RGS7: variants seen among roughly 807,000 people sequenced by gnomAD.
RGS7 encodes regulator of G protein signaling 7, also known as regulator of G-protein signaling 7.
RGS7 carries 27 observed loss-of-function variants against 81.1 expected under a neutral mutation model. The observed-to-expected ratio is 0.33, with a 90% CI of 0.25 to 0.46. The LOEUF (loss-of-function observed/expected upper bound fraction) is 0.46. Ranked by LOEUF, RGS7 falls within the 20% of genes least tolerant of loss-of-function variation. The pLI, the probability that RGS7 is intolerant of heterozygous loss-of-function variation, is 1.00. For missense variants in RGS7, 396 were observed against 607.4 expected, an observed-to-expected ratio of 0.65 and a Z score of 3.66; for synonymous variants, 208 against 207.7, an observed-to-expected ratio of 1.00 and a Z score of -0.01.
chr1:240,825,392 C>T (rs915910717), intron 10 of RGS7, among the ~76,000 whole-genome samples: 10 of 152,214 alleles, frequency 6.6e-5, no homozygotes, highest in African/African-American at 7.2e-5. Context: ...TTATCATCTG[C>T]GAAGATTCTA....
chr1:240,889,386 G>C (rs1010964338), intron 6 of RGS7, among the ~76,000 whole-genome samples: 5 of 152,184 alleles, frequency 3.3e-5, no homozygotes, highest in Non-Finnish European at 7.3e-5. Flanking sequence ...GAACGTTTCA[G>C]AAAAAGTCCA....
intron 2 of RGS7, among the ~76,000 whole-genome samples, chr1:241,179,602 A>T (rs530460276): frequency 6.6e-6 from 1 of 152,288 alleles, no homozygotes; most frequent in Non-Finnish European, 1.5e-5. Flanking sequence ...CAAGCTCATG[A>T]TTAATTACTG....
At chr1:240,794,660 G>A (rs1167661050) in intron 18 of RGS7, among the ~76,000 whole-genome samples, 2 of 152,140 alleles carry the variant, frequency 1.3e-5, no homozygotes, top group South Asian at 2.1e-4. Flanking sequence ...CATCCCAAAC[G>A]TGCCAGGAAT....
At chr1:240,778,335 A>G (rs575279394) in intron 18 of RGS7, among the ~76,000 whole-genome samples, 8 of 152,350 alleles carry the variant, frequency 5.3e-5, no homozygotes, top group African/African-American at 1.9e-4. Flanking sequence ...AAAAGACAAT[A>G]TGTTTAAGAA....
At chr1:241,352,050 C>G (rs933705733) in intron 2 of RGS7, among the ~76,000 whole-genome samples, 1 of 152,188 alleles carries the variant, frequency 6.6e-6, no homozygotes, top group Non-Finnish European at 1.5e-5. Context: ...GGACAGCATG[C>G]TGGCCAGACA....
At chr1:241,270,852 G>A (rs1042873982) in intron 2 of RGS7, among the ~76,000 whole-genome samples, 3 of 149,830 alleles carry the variant, frequency 2.0e-5, no homozygotes, top group Non-Finnish European at 3.0e-5. Flanking sequence ...TCCGCCTCCC[G>A]GGTTCACACC....
chr1:241,221,006 A>AAAGGAAGGAAGGAAGGAAGGAAGG (rs58113561), intron 2 of RGS7, among the ~76,000 whole-genome samples: 3 of 84,544 alleles, frequency 3.5e-5, no homozygotes, highest in African/African-American at 1.2e-4. Flanking sequence ...AGAGAGAGAG[A>AAAGGAAGGAAGGAAGGAAGGAAGG]AAGGAAGGAA....
chr1:240,962,256 G>A (rs145242343), intron 4 of RGS7, among the ~76,000 whole-genome samples: 210 of 152,176 alleles, frequency 1.4e-3, no homozygotes, highest in African/African-American at 4.5e-3. Flanking sequence ...CTCCCTTCCT[G>A]GAGCCCTCTA....
chr1:241,073,099 T>C (rs984398931), intron 3 of RGS7, among the ~76,000 whole-genome samples: 2 of 152,174 alleles, frequency 1.3e-5, no homozygotes, highest in Non-Finnish European at 2.9e-5. Context: ...TATCTCCATG[T>C]TGAGAGCTGG....
intron 2 of RGS7, among the ~76,000 whole-genome samples, chr1:241,153,566 G>C (rs2068904959): frequency 6.6e-6 from 1 of 152,266 alleles, no homozygotes; most frequent in Non-Finnish European, 1.5e-5. Flanking sequence ...CCAACAGAGG[G>C]GGGCTTGCCC....
At chr1:240,784,988 A>C (rs1684822157) in intron 18 of RGS7, among the ~76,000 whole-genome samples, 1 of 152,158 alleles carries the variant, frequency 6.6e-6, no homozygotes, top group Admixed American at 6.5e-5. Context: ...TTTTTAGGAG[A>C]GTCTGAGCTA....
chr1:241,014,740 T>A (rs578550), intron 3 of RGS7, among the ~76,000 whole-genome samples: 44,301 of 152,164 alleles, frequency 0.29, 6,933 homozygotes, highest in Middle Eastern at 0.39. Flanking sequence ...TCCATAAATA[T>A]CTACAGTTAA....
intron 6 of RGS7, among the ~76,000 whole-genome samples, chr1:240,879,248 C>T (rs376529016): frequency 3.9e-5 from 6 of 152,356 alleles, no homozygotes; most frequent in African/African-American, 1.4e-4. Context: ...TTGTCCCCTT[C>T]ACTAATGTGG....
chr1:240,995,822 A>G (rs1055178858), intron 3 of RGS7, among the ~76,000 whole-genome samples: 6 of 145,194 alleles, frequency 4.1e-5, no homozygotes, highest in African/African-American at 1.5e-4. Flanking sequence ...CCATTGATTT[A>G]TGCTCTTTAT....
chr1:241,217,639 C>A (rs2074649837), intron 2 of RGS7, among the ~76,000 whole-genome samples: 1 of 152,094 alleles, frequency 6.6e-6, no homozygotes. Context: ...TTCCTTTTAC[C>A]TTTTCAAGTG....
At chr1:241,069,011 T>C (rs1276090784) in intron 3 of RGS7, among the ~76,000 whole-genome samples, 2 of 152,138 alleles carry the variant, frequency 1.3e-5, no homozygotes, top group Non-Finnish European at 2.9e-5. Context: ...TGTTCCCCTT[T>C]TGCCTTCTGC....
chr1:241,356,016 T>C (rs1191164129), intron 1 of RGS7, among the ~76,000 whole-genome samples, 190 bp from the exon 2 acceptor site: 3 of 152,216 alleles, frequency 2.0e-5, no homozygotes, highest in African/African-American at 7.2e-5. Flanking sequence ...TGTAAGAAAT[T>C]ACAATCTTCC....
chr1:241,252,114 G>A (rs1181711797), intron 2 of RGS7, among the ~76,000 whole-genome samples: 4 of 151,134 alleles, frequency 2.6e-5, no homozygotes, highest in Non-Finnish European at 5.9e-5. Context: ...TGTGACCTCG[G>A]CTCACTGCAA....
intron 3 of RGS7, among the ~76,000 whole-genome samples, chr1:241,063,659 T>C (rs1171338094): frequency 6.6e-6 from 1 of 152,230 alleles, no homozygotes; most frequent in Non-Finnish European, 1.5e-5. Flanking sequence ...TTTTCCAACA[T>C]GTAACAATTC....
Sources: allele counts gnomAD v4.1 joint callset (sites outside exome capture counted in the v4.1 genomes callset), GRCh38; gene constraint gnomAD v4.1.1; transcripts MANE v1.5; gene names NCBI Gene and HGNC (gene_info 2026-07-23, HGNC 2026-07-21).